ARHGEF16: variants seen among roughly 807,000 people sequenced by gnomAD.
The protein encoded by ARHGEF16 is Rho guanine nucleotide exchange factor 16.
In ARHGEF16, 59 loss-of-function variants were observed where a neutral mutation model predicts 74.1. The observed-to-expected ratio is 0.80, with a 90% CI of 0.65 to 0.99. ARHGEF16 has a LOEUF of 0.99. ARHGEF16 is among the 50% of genes least tolerant of loss of function. The pLI, the probability that ARHGEF16 is intolerant of heterozygous loss-of-function variation, is 0.00. For synonymous variants in ARHGEF16, 415 were observed against 412.6 expected (o/e 1.01, Z -0.07); for missense variants, 948 against 986.6 (o/e 0.96, Z 0.52).
At chr1:3,471,973 G>A (rs1298609809) in intron 6 of ARHGEF16, among the ~76,000 whole-genome samples, 1 of 152,232 alleles carries the variant, frequency 6.6e-6, no homozygotes, top group Non-Finnish European at 1.5e-5. Context: ...CCATCTGCTG[G>A]GGATTCTCAA....
intron 2 of ARHGEF16, among the ~76,000 whole-genome samples, chr1:3,464,668 C>T (rs548750513): frequency 7.9e-5 from 12 of 152,260 alleles, no homozygotes; most frequent in African/African-American, 2.2e-4. Context: ...CAGTGAAGGA[C>T]GAGGGCGGGG....
chr1:3,472,814 G>A (rs528444056), intron 6 of ARHGEF16: 370 of 463,414 alleles, frequency 8.0e-4, no homozygotes, highest in Middle Eastern at 2.3e-3. Flanking sequence ...ACAGAGGGAC[G>A]GCACCAGTGC....
At chr1:3,476,473 G>T (rs12124163) in intron 10 of ARHGEF16, among the ~76,000 whole-genome samples, 111,315 of 152,094 alleles carry the variant, frequency 0.73, 43,687 homozygotes, top group South Asian at 0.87. Flanking sequence ...AGGGGACAGG[G>T]TGATTTCAGG....
At chr1:3,475,876 T>C in intron 9 of ARHGEF16, 94 bp from the exon 10 acceptor site, 1 of 1,297,400 alleles carries the variant, frequency 7.7e-7, no homozygotes, top group Non-Finnish European at 1.1e-6. Context: ...AGCCAGAGGC[T>C]GGCTGGGCAG....
Position 3,477,976 on chromosome 1 carries a change from G to A in ARHGEF16, c.1575G>A (p.Thr525=), listed in dbSNP as rs749868678. 33 of 1,612,566 alleles carry A rather than the reference G, an allele frequency of 2.0e-5. No individual in the cohort carries two copies. Among genetic ancestry groups the A allele is most frequent in the African/African-American group, 8.0e-5 (6 of 74,922 alleles). Residue 525 remains threonine (T), a synonymous_variant, in exon 11 of 15, where the codon ACG becomes ACA. Coordinates refer to ENST00000378378, the MANE Select transcript of ARHGEF16 (RefSeq NM_014448.4). ...TTCGAAAAATTGCCAGCCGGCCAAC[G>A]TGCTACCTTTTCCTGTTCAACGATG... ...GLFRKIASRP[T]CYLFLFNDVL...
chr1:3,463,616 C>T lies in ARHGEF16; in HGVS notation c.532C>T (p.Gln178Ter). 3 of 1,433,100 alleles carry T rather than the reference C, an allele frequency of 2.1e-6. No individual in the cohort carries two copies. Among genetic ancestry groups the T allele is most frequent in the Non-Finnish European group, 2.8e-6 (3 of 1,088,402 alleles). 88.8% of individuals were successfully genotyped at this position (1,433,100 alleles called of 1,614,324 possible). A position where few individuals can be genotyped will look rare whatever the true frequency, so the allele number is the denominator to read the frequency against. The part of the protein sequence containing the change: ...GDAIQLSPKL[Q>*]ALAEEPSQPH... Reference sequence around the variant, plus strand: ...TGCCATCCAGCTAAGCCCTAAGCTCCAGGCTCTGGCTGAGGAACCCAGCCA... The same window carrying T: ...TGCCATCCAGCTAAGCCCTAAGCTCTAGGCTCTGGCTGAGGAACCCAGCCA... Residue 178 changes from glutamine to a stop codon, truncating the protein, a stop_gained, in exon 2 of 15, where the codon CAG becomes TAG. Transcript: ENST00000378378. LOFTEE classifies it high-confidence loss of function.
intron 4 of ARHGEF16, chr1:3,468,592 C>T (rs147622233): frequency 8.0e-5 from 37 of 465,382 alleles, no homozygotes; most frequent in Middle Eastern, 1.3e-3. Flanking sequence ...AAGATCCCCC[C>T]CCGCCCTCTG....
At chr1:3,477,090 C>T (rs1414362395) in intron 10 of ARHGEF16, among the ~76,000 whole-genome samples, 5 of 151,832 alleles carry the variant, frequency 3.3e-5, no homozygotes, top group African/African-American at 1.2e-4. Flanking sequence ...CAGGCCCATC[C>T]AGGAGGGAGG....
intron 12 of ARHGEF16, 88 bp from the exon 13 acceptor site, chr1:3,479,429 G>A (rs1240995208): frequency 7.0e-7 from 1 of 1,434,432 alleles, no homozygotes; most frequent in Non-Finnish European, 9.7e-7. Flanking sequence ...CCTTGCCACG[G>A]CCCCCATGGG....
chr1:3,468,793 G>T, intron 4 of ARHGEF16, 87 bp from the exon 5 acceptor site: 1 of 1,472,168 alleles, frequency 6.8e-7, no homozygotes, highest in South Asian at 1.2e-5. Flanking sequence ...TGTTGGCCCT[G>T]GTCCATCAGG....
At chr1:3,462,113 C>T (rs1224111994) in intron 1 of ARHGEF16, among the ~76,000 whole-genome samples, 5 of 151,912 alleles carry the variant, frequency 3.3e-5, no homozygotes, top group African/African-American at 9.7e-5. Context: ...GCGGGGCAGC[C>T]CACGGGGTGT....
chr1:3,459,392 C>T (rs1557685452), intron 1 of ARHGEF16, among the ~76,000 whole-genome samples: 2 of 152,138 alleles, frequency 1.3e-5, no homozygotes, highest in African/African-American at 2.4e-5. Flanking sequence ...AAACCATCTA[C>T]AGTGGGAATG....
At chr1:3,458,125 C>T (rs901007974) in intron 1 of ARHGEF16, among the ~76,000 whole-genome samples, 5 of 152,178 alleles carry the variant, frequency 3.3e-5, no homozygotes, top group South Asian at 2.1e-4. Context: ...GAGCACGTGC[C>T]GAGGCAGGCA....
chr1:3,473,264 T>C (rs776843272), intron 7 of ARHGEF16, 34 bp downstream of exon 7: 2 of 1,606,800 alleles, frequency 1.2e-6, no homozygotes, highest in Non-Finnish European at 1.7e-6. Flanking sequence ...GCAGGGTGGC[T>C]CAGGAGCATC....
At chr1:3,465,069 C>A (rs1014932055) in intron 2 of ARHGEF16, among the ~76,000 whole-genome samples, 1 of 152,260 alleles carries the variant, frequency 6.6e-6, no homozygotes. Context: ...CAGGCCCCTG[C>A]ACCCCAGCAG....
chr1:3,455,662 T>C (rs931936133), intron 1 of ARHGEF16, among the ~76,000 whole-genome samples: 1 of 151,842 alleles, frequency 6.6e-6, no homozygotes, highest in Non-Finnish European at 1.5e-5. Context: ...CCACCTAACA[T>C]GGGGGCCTAG....
chr1:3,477,139 C>CT (rs1485545626), intron 10 of ARHGEF16, among the ~76,000 whole-genome samples: 3 of 151,624 alleles, frequency 2.0e-5, no homozygotes, highest in Non-Finnish European at 4.4e-5. Flanking sequence ...GCCGGGGGCT[C>CT]TGAGTCTGTA....
Position 3,473,142 on chromosome 1 carries a change from C to T in ARHGEF16, c.1087C>T (p.Leu363=). Residue 363 remains leucine, a synonymous_variant, in exon 7 of 15, where the codon CTG becomes TTG. Transcript: ENST00000378378. ...GCTGGTCGAGGACATCAGTGACATCCTGGAGGAGCACGCTGAGAAGCACTT... is the reference window on the plus strand; with the variant it reads ...GCTGGTCGAGGACATCAGTGACATCTTGGAGGAGCACGCTGAGAAGCACTT... ...QVLVEDISDI[L]EEHAEKHFHP... The T allele has an allele frequency of 1.9e-6, 3 of 1,613,496 alleles. No homozygotes were observed. Among genetic ancestry groups the T allele is most frequent in the South Asian group, 2.2e-5 (2 of 91,090 alleles).
At chr1:3,458,590 G>T (rs753415609) in intron 1 of ARHGEF16, among the ~76,000 whole-genome samples, 3 of 152,256 alleles carry the variant, frequency 2.0e-5, no homozygotes, top group African/African-American at 7.2e-5. Context: ...AGACACCTGT[G>T]CTCAGGGTGT....
Sources: gnomAD v4.1 joint callset for allele counts (sites outside exome capture counted in the v4.1 genomes callset) on GRCh38, gnomAD v4.1.1 for gene constraint, MANE v1.5 for transcripts, NCBI Gene and HGNC (gene_info 2026-07-23, HGNC 2026-07-21) for gene names.